RNF14: variants seen among roughly 807,000 people sequenced by gnomAD.
The protein encoded by RNF14 is ring finger protein 14, also known as E3 ubiquitin-protein ligase RNF14.
Under a neutral mutation model 52.6 loss-of-function variants are expected in RNF14, and 26 were observed. The observed-to-expected ratio is 0.49, with a 90% confidence interval of 0.36 to 0.69. The LOEUF (loss-of-function observed/expected upper bound fraction) is 0.69, where lower values mean the gene tolerates loss of function less well. Among genes scored for constraint, RNF14 ranks in the 30% least tolerant of loss-of-function variants. The pLI, the probability that RNF14 is intolerant of heterozygous loss-of-function variation, is 0.00. For synonymous variants in RNF14, 194 were observed against 202.0 expected (o/e 0.96, Z 0.34); for missense variants, 404 against 560.4 (o/e 0.72, Z 2.82).
intron 1 of RNF14, among the ~76,000 whole-genome samples, chr5:141,959,632 C>G (rs1262160371): frequency 6.6e-6 from 1 of 152,196 alleles, no homozygotes; most frequent in East Asian, 1.9e-4. Context: ...CTGTGGTCAT[C>G]AGGACTGGGG....
chr5:141,952,677 TAGAC>T, the RNF14 span: 3 of 152,270 alleles, frequency 2.0e-5, no homozygotes, highest in African/African-American at 7.2e-5. Flanking sequence ...TGTATAGCAT[TAGAC>T]AGGTTTTTAG....
intron 7 of RNF14, among the ~76,000 whole-genome samples, chr5:141,983,917 T>G (rs1001610198): frequency 6.6e-6 from 1 of 152,124 alleles, no homozygotes; most frequent in African/African-American, 2.4e-5. Context: ...CACACCTGTT[T>G]AAGATACACT....
rs140426681 is a variant in RNF14 at position 141,973,170 on chromosome 5, T to G, written c.-6-413T>G. Among the ~76,000 whole-genome samples, 418 of 152,292 alleles carry G rather than the reference T, an allele frequency of 2.7e-3. 3 individuals carry two copies. Among genetic ancestry groups the G allele is most frequent in the African/African-American group, 9.4e-3 (389 of 41,566 alleles). On this transcript the variant is annotated intron_variant, in intron 2 of 8. Transcript: ENST00000394520. Reference sequence around the variant, plus strand: ...CATTTTTGGTTTAGGAGAAAAGTGATAATATCGATTAATTCTTTGCAGTTG... The same window carrying G: ...CATTTTTGGTTTAGGAGAAAAGTGAGAATATCGATTAATTCTTTGCAGTTG...
At chr5:141,982,421 T>C (rs1166826987) in intron 6 of RNF14, among the ~76,000 whole-genome samples, 7 of 152,170 alleles carry the variant, frequency 4.6e-5, no homozygotes, top group African/African-American at 1.4e-4. Flanking sequence ...AGATAGGATA[T>C]AGGATTCTAT....
chr5:141,981,015 G>T (rs756508068), intron 6 of RNF14, among the ~76,000 whole-genome samples: 1 of 152,148 alleles, frequency 6.6e-6, no homozygotes, highest in African/African-American at 2.4e-5. Context: ...TCCAGTCTAC[G>T]TAAGGAATCA....
At chr5:141,951,859 G>A in the RNF14 span, among the ~76,000 whole-genome samples, 1 of 152,230 alleles carries the variant, frequency 6.6e-6, no homozygotes, top group East Asian at 1.9e-4. Flanking sequence ...TCATTCCTCC[G>A]AGTGTCCTGC....
intron 5 of RNF14, among the ~76,000 whole-genome samples, chr5:141,979,233 G>GTGTTGTTGT (rs1360812561): frequency 6.6e-6 from 1 of 150,628 alleles, no homozygotes; most frequent in African/African-American, 2.4e-5. Flanking sequence ...GGTGGTGGTG[G>GTGTTGTTGT]TGTTGTTGTT....
chr5:141,965,128 C>G (rs1209393060), upstream of RNF14, among the ~76,000 whole-genome samples: 1 of 152,156 alleles, frequency 6.6e-6, no homozygotes, highest in African/African-American at 2.4e-5. Context: ...CACTGCTGCC[C>G]CTCTGTGTTC....
At chr5:141,971,654 T>A (rs1180422988) in intron 2 of RNF14, among the ~76,000 whole-genome samples, 32 of 99,014 alleles carry the variant, frequency 3.2e-4, no homozygotes, top group Non-Finnish European at 5.8e-4. Context: ...TTTTTTTTTT[T>A]TTTTGGAGAC....
upstream of RNF14, among the ~76,000 whole-genome samples, chr5:141,967,816 C>A (rs1753405319): frequency 6.6e-6 from 1 of 152,148 alleles, no homozygotes; most frequent in Admixed American, 6.5e-5. Flanking sequence ...GTGCTTTGTA[C>A]CTAAAAAAAT....
intron 1 of RNF14, among the ~76,000 whole-genome samples, chr5:141,959,799 C>G (rs891048309): frequency 6.6e-6 from 1 of 152,102 alleles, no homozygotes; most frequent in Non-Finnish European, 1.5e-5. Context: ...ACAGCATGGC[C>G]CTGGAGACAG....
Position 141,984,879 on chromosome 5 carries a change from C to T in RNF14, c.1313C>T (p.Ser438Phe), listed in dbSNP as rs150237988. Residue 438 changes from serine to phenylalanine, a missense_variant, in exon 8 of 9, where the codon TCT becomes TTT. By Grantham distance (155) the Ser-to-Phe change is radical. Coordinates refer to ENST00000394520, the MANE Select transcript of RNF14 (RefSeq NM_004290.5). ...YFCWICMGSL[S>F]RANPYKHFND... ...TGTTGGATTTGCATGGGTTCTCTCT[C>T]TAGAGCAAACCCTTACAAACATTTC... is the stretch of plus-strand genomic sequence containing the variant. The T allele has an allele frequency of 5.6e-6, 9 of 1,613,220 alleles. No individual in the cohort carries two copies. Among genetic ancestry groups the T allele is most frequent in the Non-Finnish European group, 7.6e-6 (9 of 1,179,206 alleles).
At chr5:141,965,040 T>C (rs1753311431), upstream of RNF14, among the ~76,000 whole-genome samples, 1 of 152,052 alleles carries the variant, frequency 6.6e-6, no homozygotes, top group African/African-American at 2.4e-5. Context: ...CAGCAAGAAG[T>C]CAGGGACACT....
At position 141,980,107 on chromosome 5, in the gene RNF14, T is replaced by C; in HGVS notation, c.835-16T>C. ...GTGGAATCATCAAACCTATGGTGTT[T>C]TGTATTTCCCTCCAGGTCAAAGAGT... is the stretch of plus-strand genomic sequence containing the variant. On this transcript the variant is annotated splice_polypyrimidine_tract_variant and intron_variant, in intron 5 of 8. Transcript: ENST00000394520. 1.2e-6 allele frequency: 2 copies of C among 1,607,426 alleles called. No individual in the cohort carries two copies. The highest frequency in any genetic ancestry group is 1.7e-6 in the Non-Finnish European group (2 of 1,173,876).
At chr5:141,978,144 T>C (rs1596687835) in intron 4 of RNF14, among the ~76,000 whole-genome samples, 159 bp from the exon 5 acceptor site, 1 of 33,266 alleles carries the variant, frequency 3.0e-5, no homozygotes, top group Non-Finnish European at 5.1e-5. Flanking sequence ...GTAAGAATGT[T>C]TGTACTGTTT....
the RNF14 span, chr5:141,949,541 T>C: frequency 1.2e-6 from 2 of 1,614,086 alleles, no homozygotes; most frequent in African/African-American, 2.7e-5. Context: ...CTGTCTGGCC[T>C]CCAGCCCTTG....
At chr5:141,978,170 G>T (rs1419000411) in intron 4 of RNF14, 133 bp from the exon 5 acceptor site, 2 of 717,304 alleles carry the variant, frequency 2.8e-6, no homozygotes, top group East Asian at 5.1e-5. Context: ...GTAGCACAGT[G>T]TATCACAGCA....
At chr5:141,973,088 C>T (rs1432184253) in intron 2 of RNF14, among the ~76,000 whole-genome samples, 1 of 152,194 alleles carries the variant, frequency 6.6e-6, no homozygotes, top group Admixed American at 6.5e-5. Flanking sequence ...CCACAACCAT[C>T]CCTTTTGAAA....
At chr5:141,966,952 CAT>C (rs1753363904), upstream of RNF14, 1 of 152,458 alleles carries the variant, frequency 6.6e-6, no homozygotes, top group African/African-American at 2.4e-5. Flanking sequence ...TTTGGCTAAA[CAT>C]GAATAATTAT....
Sources: gnomAD v4.1 joint callset for allele counts (sites outside exome capture counted in the v4.1 genomes callset) on GRCh38, gnomAD v4.1.1 for gene constraint, MANE v1.5 for transcripts, NCBI Gene and HGNC (gene_info 2026-07-23, HGNC 2026-07-21) for gene names.